The following NAA35 variants were observed in gnomAD, a reference collection of about 807,000 sequenced individuals.
NAA35 encodes the protein MAK10 homolog, amino-acid N-acetyltransferase subunit.
A neutral mutation model predicts 101.7 loss-of-function variants in NAA35; 18 were observed. The observed-to-expected ratio is 0.18, with a 90% CI of 0.12 to 0.26. The LOEUF (loss-of-function observed/expected upper bound fraction) is 0.26. Ranked by LOEUF, NAA35 falls within the 10% of genes least tolerant of loss-of-function variation. The pLI, the probability that NAA35 is intolerant of heterozygous loss-of-function variation, is 1.00. For missense variants in NAA35, 601 were observed against 886.8 expected (o/e 0.68, Z 4.09); for synonymous variants, 267 against 273.1 (o/e 0.98, Z 0.22).
chr9:86,021,809 C>T lies in NAA35; in HGVS notation c.2119-92C>T, dbSNP rs1832572688. On this transcript the variant is annotated intron_variant, in intron 22 of 22. Transcript: ENST00000361671. ...TTTTGTGCTGCCTTGTTTCTAAGAACACAAGAAACTCTAAAATAAAAATAG... is the reference window on the plus strand; with the variant it reads ...TTTTGTGCTGCCTTGTTTCTAAGAATACAAGAAACTCTAAAATAAAAATAG... 4 of 1,072,992 alleles carry T rather than the reference C, an allele frequency of 3.7e-6. No homozygotes were observed. In the Admixed American group the frequency reaches 9.2e-5, roughly 25 times the overall value. 66.5% of individuals were successfully genotyped at this position (1,072,992 alleles called of 1,614,324 possible).
chr9:86,003,842 C>T (rs1281345925), intron 13 of NAA35, among the ~76,000 whole-genome samples, 198 bp downstream of exon 13: 1 of 151,826 alleles, frequency 6.6e-6, no homozygotes, highest in Non-Finnish European at 1.5e-5. Context: ...AAACAAACCT[C>T]AGTGATTTAA....
At chr9:85,998,592 C>T (rs1273655745) in intron 12 of NAA35, among the ~76,000 whole-genome samples, 1 of 152,008 alleles carries the variant, frequency 6.6e-6, no homozygotes, top group African/African-American at 2.4e-5. Flanking sequence ...TATAGAAAAA[C>T]AAGGCTCATT....
In NAA35 at chr9:85,962,207, T is replaced by TTGGC. The variant is rs758193482; in HGVS notation, c.516+28_516+31dup. ...TAAGATTTCGTAATGTAAGAAATCC[T>TTGGC]TGGCCAGGTGCGGTGGCTCATGCCT... On this transcript the variant is annotated intron_variant, in intron 6 of 22. Transcript: ENST00000361671. 5 of 1,607,816 alleles carry TTGGC rather than the reference T, an allele frequency of 3.1e-6. No homozygotes were observed. In the African/African-American group the frequency reaches 5.4e-5, roughly 17 times the overall value.
At chr9:85,988,572 G>A (rs967900029) in intron 11 of NAA35, among the ~76,000 whole-genome samples, 1 of 152,206 alleles carries the variant, frequency 6.6e-6, no homozygotes, top group African/African-American at 2.4e-5. Flanking sequence ...GGCCGAGGCA[G>A]GCAGATCACC....
rs1372502800 is a variant in NAA35 at position 85,959,880 on chromosome 9, A to G, written c.348+13A>G. ...TTTTTGCTGTTTGGTAAGAATGGAA[A>G]TAAGACTATTGGTTAATTTTAAAAC... is the stretch of plus-strand genomic sequence containing the variant. On this transcript the variant is annotated intron_variant, in intron 5 of 22. Transcript: ENST00000361671. 1.3e-6 allele frequency: 2 copies of G among 1,587,342 alleles called. No individual in the cohort carries two copies. Among genetic ancestry groups the G allele is most frequent in the African/African-American group, 2.7e-5 (2 of 74,286 alleles).
At chr9:85,960,007 G>T in intron 5 of NAA35, 140 bp downstream of exon 5, 1 of 541,006 alleles carries the variant, frequency 1.8e-6, no homozygotes, top group Non-Finnish European at 3.2e-6. Context: ...AAGATTAACA[G>T]GCCTAGTAAT....
intron 4 of NAA35, among the ~76,000 whole-genome samples, 169 bp downstream of exon 4, chr9:85,958,755 T>C (rs972301493): frequency 6.6e-6 from 1 of 152,212 alleles, no homozygotes; most frequent in Non-Finnish European, 1.5e-5. Flanking sequence ...AGTCTGAAAA[T>C]TGAGGTCTTC....
chr9:85,993,931 C>T (rs1831045703), intron 11 of NAA35, among the ~76,000 whole-genome samples: 1 of 152,072 alleles, frequency 6.6e-6, no homozygotes, highest in Non-Finnish European at 1.5e-5. Flanking sequence ...ATCTCAGCCT[C>T]CCCAGTAGCC....
At chr9:85,971,476 A>C (rs993964581) in intron 6 of NAA35, among the ~76,000 whole-genome samples, 1 of 152,072 alleles carries the variant, frequency 6.6e-6, no homozygotes. Context: ...CTCCTCCATA[A>C]CTGTTCCCTA....
chr9:86,015,885 G>A (rs1832187311), intron 17 of NAA35: 1 of 519,336 alleles, frequency 1.9e-6, no homozygotes, highest in Admixed American at 6.4e-5. Flanking sequence ...TTGTAGGGTG[G>A]CAGGGAACAA....
chr9:86,010,660 C>T lies in NAA35; in HGVS notation c.1290+729C>T, dbSNP rs533233113. Among the ~76,000 whole-genome samples the T allele has an allele frequency of 1.7e-3, 253 of 149,954 alleles. 2 individuals carry two copies. The highest frequency in any genetic ancestry group is 2.0e-3 in the Non-Finnish European group (134 of 67,578). On this transcript the variant is annotated intron_variant, in intron 15 of 22. Coordinates refer to ENST00000361671, the MANE Select transcript of NAA35 (RefSeq NM_024635.4). ...CGCAATCTTGGCTCACTGCAAGCTC[C>T]GCCTCCCGGGTTCACGCCATTCTCC... is the stretch of plus-strand genomic sequence containing the variant.
chr9:85,966,484 A>C (rs1238426306), intron 6 of NAA35: 1 of 400,856 alleles, frequency 2.5e-6, no homozygotes, highest in African/African-American at 2.1e-5. Context: ...TCGAATGTTT[A>C]TAACACCTTT....
At chr9:85,972,650 T>C (rs777436263) in intron 6 of NAA35, among the ~76,000 whole-genome samples, 17 of 152,160 alleles carry the variant, frequency 1.1e-4, no homozygotes, top group Non-Finnish European at 2.5e-4. Flanking sequence ...GGATAAGTAG[T>C]GGCTGACTCC....
At chr9:85,959,899 T>G (rs191939579) in intron 5 of NAA35, 32 bp downstream of exon 5, 4 of 1,509,658 alleles carry the variant, frequency 2.6e-6, no homozygotes, top group Non-Finnish European at 3.7e-6. Flanking sequence ...TTGGTTAATT[T>G]TAAAACTGTG....
At chr9:85,976,845 T>A in intron 9 of NAA35, 110 bp downstream of exon 9, 1 of 781,116 alleles carries the variant, frequency 1.3e-6, no homozygotes, top group Non-Finnish European at 2.0e-6. Context: ...GGTATTTCTT[T>A]AAAAATTGGA....
chr9:85,991,693 A>C (rs1184451221), intron 11 of NAA35, among the ~76,000 whole-genome samples: 1 of 152,104 alleles, frequency 6.6e-6, no homozygotes, highest in Non-Finnish European at 1.5e-5. Flanking sequence ...CATGTCAATG[A>C]TAGGAGATTG....
intron 12 of NAA35, among the ~76,000 whole-genome samples, chr9:86,001,032 A>G (rs1318006231): frequency 1.3e-5 from 2 of 151,946 alleles, no homozygotes; most frequent in Non-Finnish European, 2.9e-5. Context: ...ACATGCTATG[A>G]ATTTCGTTCT....
intron 2 of NAA35, among the ~76,000 whole-genome samples, chr9:85,955,658 C>T (rs915992926): frequency 2.0e-5 from 3 of 152,014 alleles, no homozygotes; most frequent in Admixed American, 1.3e-4. Context: ...CCACCTGGCC[C>T]GGCTGCCATC....
chr9:85,947,977 G>A (rs907007887), intron 2 of NAA35, among the ~76,000 whole-genome samples: 1 of 152,110 alleles, frequency 6.6e-6, no homozygotes, highest in Admixed American at 6.6e-5. Flanking sequence ...CCTTAATCAC[G>A]TATAATATAT....
Sources: allele counts gnomAD v4.1 joint callset (sites outside exome capture counted in the v4.1 genomes callset), GRCh38; gene constraint gnomAD v4.1.1; transcripts MANE v1.5; gene names NCBI Gene and HGNC (gene_info 2026-07-23, HGNC 2026-07-21).